Variants in CDH4 observed in about 807,000 individuals in gnomAD.
The protein encoded by CDH4 is cadherin-4.
CDH4 carries 33 observed loss-of-function variants against 86.0 expected under a neutral mutation model. That is an observed-to-expected ratio of 0.38 (90% CI 0.29 to 0.51). The LOEUF is 0.51. Among genes scored for constraint, CDH4 ranks in the 20% least tolerant of loss-of-function variants. CDH4 has a pLI of 0.86. For synonymous variants in CDH4, 555 were observed against 549.4 expected (o/e 1.01, Z -0.14); for missense variants, 1,114 against 1,307.4 (o/e 0.85, Z 2.28).
chr20:61,795,702 G>A (rs1359307967), intron 4 of CDH4, among the ~76,000 whole-genome samples: 1 of 152,228 alleles, frequency 6.6e-6, no homozygotes, highest in African/African-American at 2.4e-5. Flanking sequence ...ACATACCAGA[G>A]GCGGGGCCAG....
At chr20:61,926,057 A>T (rs2055041224) in intron 11 of CDH4, among the ~76,000 whole-genome samples, 1 of 152,220 alleles carries the variant, frequency 6.6e-6, no homozygotes, top group Admixed American at 6.5e-5. Flanking sequence ...CAGAAAATGG[A>T]TATTGGGGAT....
intron 2 of CDH4, among the ~76,000 whole-genome samples, chr20:61,318,179 G>C (rs754993155): frequency 2.0e-5 from 3 of 152,138 alleles, no homozygotes; most frequent in Non-Finnish European, 4.4e-5. Flanking sequence ...CATCCTAATA[G>C]ATGTTAAACT....
At position 61,733,240 on chromosome 20, in the gene CDH4, G is replaced by C. The variant is rs563533512; in HGVS notation, c.170-10323G>C. Among the ~76,000 whole-genome samples, 3 of 152,266 alleles carry C rather than the reference G, an allele frequency of 2.0e-5. No homozygotes were observed. In the East Asian group the frequency reaches 5.8e-4, roughly 29 times the overall value. ...AAGGGAATTCTCTATGTTCCACACA[G>C]AGCAAGTTCCGGGCAGTGGCAGCCA... On this transcript the variant is annotated intron_variant, in intron 2 of 15. Coordinates refer to ENST00000614565, the MANE Select transcript of CDH4 (RefSeq NM_001794.5).
chr20:61,876,047 G>A (rs1057080564), intron 7 of CDH4, among the ~76,000 whole-genome samples: 5 of 152,228 alleles, frequency 3.3e-5, no homozygotes, highest in Admixed American at 6.5e-5. Flanking sequence ...GAGCGTGTGC[G>A]TGCAAGCCCC....
intron 2 of CDH4, among the ~76,000 whole-genome samples, chr20:61,462,675 C>G (rs1028215487): frequency 6.6e-6 from 1 of 152,224 alleles, no homozygotes; most frequent in African/African-American, 2.4e-5. Flanking sequence ...GGGCTCCCCC[C>G]TCTCCCTCCT....
At chr20:61,786,799 T>TA (rs751784427) in intron 4 of CDH4, among the ~76,000 whole-genome samples, 1 of 152,182 alleles carries the variant, frequency 6.6e-6, no homozygotes, top group Admixed American at 6.6e-5. Context: ...AATGGACTCT[T>TA]AGAGTTTGGC....
chr20:61,917,318 C>T (rs1282893746), intron 9 of CDH4, among the ~76,000 whole-genome samples: 3 of 152,232 alleles, frequency 2.0e-5, no homozygotes, highest in Admixed American at 6.5e-5. Flanking sequence ...CTCTTGTCTC[C>T]CTCCTCCAGT....
chr20:61,532,594 G>T (rs1427930821), intron 2 of CDH4, among the ~76,000 whole-genome samples: 1 of 152,182 alleles, frequency 6.6e-6, no homozygotes, highest in Non-Finnish European at 1.5e-5. Flanking sequence ...AGCAATGCAA[G>T]CAGCGAGTCT....
chr20:61,598,767 G>A (rs932561833), intron 2 of CDH4, among the ~76,000 whole-genome samples: 6 of 152,180 alleles, frequency 3.9e-5, no homozygotes, highest in African/African-American at 7.2e-5. Context: ...TGACGCACCC[G>A]AGGGACTGGC....
At chr20:61,297,818 C>A (rs1230618888) in intron 2 of CDH4, among the ~76,000 whole-genome samples, 2 of 152,386 alleles carry the variant, frequency 1.3e-5, no homozygotes, top group East Asian at 3.9e-4. Context: ...ATCTAATGAG[C>A]AGGCGCCCTT....
In CDH4 at chr20:61,494,528, A is replaced by T. The variant is rs532722052; in HGVS notation, c.169+239591A>T. 2.0e-5 allele frequency among the ~76,000 whole-genome samples: 3 copies of T among 152,280 alleles called. No individual in the cohort carries two copies. In the East Asian group the frequency reaches 5.8e-4, roughly 29 times the overall value. Reference sequence around the variant, plus strand: ...AATAGCTATTTCCTTGCAGGTAGTAATTTTGTTTCAAGAAGAGCGATGTTT... The same window carrying T: ...AATAGCTATTTCCTTGCAGGTAGTATTTTTGTTTCAAGAAGAGCGATGTTT... On this transcript the variant is annotated intron_variant, in intron 2 of 15. Transcript: ENST00000614565.
Position 61,383,088 on chromosome 20 carries a change from A to AAT in CDH4, c.169+128160_169+128161dup, listed in dbSNP as rs201411800. ...TTCATATATATATAATATATATATG[A>AAT]ATATATATATGAATATATTATATAT... On this transcript the variant is annotated intron_variant, in intron 2 of 15. Coordinates refer to ENST00000614565, the MANE Select transcript of CDH4 (RefSeq NM_001794.5). Among the ~76,000 whole-genome samples, 175 of 120,014 alleles carry AAT rather than the reference A, an allele frequency of 1.5e-3. 27 individuals carry two copies. The highest frequency in any genetic ancestry group is 2.3e-3 in the Non-Finnish European group (141 of 60,284). The allele number at this position is 120,014 out of a possible 152,430, so 78.7% of individuals were successfully genotyped here. A position where few individuals can be genotyped will look rare whatever the true frequency, so the allele number is the denominator to read the frequency against.
intron 2 of CDH4, among the ~76,000 whole-genome samples, chr20:61,372,972 G>A (rs1056791045): frequency 1.3e-5 from 2 of 152,228 alleles, no homozygotes; most frequent in Non-Finnish European, 2.9e-5. Flanking sequence ...CATTTCACAC[G>A]ATACTTCAGA....
At chr20:61,474,924 T>C (rs2085526200) in intron 2 of CDH4, among the ~76,000 whole-genome samples, 1 of 152,194 alleles carries the variant, frequency 6.6e-6, no homozygotes, top group South Asian at 2.1e-4. Flanking sequence ...GGTTGTAAAC[T>C]TAAGGTTTCC....
intron 8 of CDH4, among the ~76,000 whole-genome samples, chr20:61,909,133 C>T (rs559628271): frequency 6.6e-6 from 1 of 152,202 alleles, no homozygotes; most frequent in African/African-American, 2.4e-5. Context: ...TGCCTCATGC[C>T]AGGACACAGG....
intron 2 of CDH4, among the ~76,000 whole-genome samples, chr20:61,707,120 C>T (rs1568768042): frequency 6.6e-6 from 1 of 152,272 alleles, no homozygotes; most frequent in African/African-American, 2.4e-5. Flanking sequence ...GAGCTGTCAT[C>T]CATGTCTGGA....
At chr20:61,564,682 C>G (rs1486336043) in intron 2 of CDH4, among the ~76,000 whole-genome samples, 1 of 152,154 alleles carries the variant, frequency 6.6e-6, no homozygotes, top group Non-Finnish European at 1.5e-5. Context: ...TACCCAGCCT[C>G]AGGTATTTAT....
intron 2 of CDH4, among the ~76,000 whole-genome samples, chr20:61,266,611 G>T (rs2084159650): frequency 6.6e-6 from 1 of 151,776 alleles, no homozygotes. Flanking sequence ...CCCCGATAGG[G>T]TGCAGAGAGA....
intron 7 of CDH4, among the ~76,000 whole-genome samples, chr20:61,885,818 G>T (rs1600737590): frequency 6.6e-6 from 1 of 152,166 alleles, no homozygotes. Flanking sequence ...AGGATGAGAC[G>T]GAGAGCAGGA....
Sources: allele counts gnomAD v4.1 joint callset (sites outside exome capture counted in the v4.1 genomes callset), GRCh38; gene constraint gnomAD v4.1.1; transcripts MANE v1.5; gene names NCBI Gene and HGNC (gene_info 2026-07-23, HGNC 2026-07-21).